Variants in FAM169A observed in about 807,000 individuals in gnomAD.
The protein encoded by FAM169A is soluble lamin-associated protein of 75 kDa.
Under a neutral mutation model 75.7 loss-of-function variants are expected in FAM169A, and 24 were observed. That is an observed-to-expected ratio of 0.32 (90% CI 0.23 to 0.45). The LOEUF (loss-of-function observed/expected upper bound fraction) is 0.45. Among genes scored for constraint, FAM169A ranks in the 20% least tolerant of loss-of-function variants. FAM169A has a pLI of 1.00. For synonymous variants in FAM169A, 271 were observed against 271.0 expected (o/e 1.00, Z 0.00); for missense variants, 673 against 784.0 (o/e 0.86, Z 1.69).
chr5:74,822,603 A>C (rs1747819627), intron 5 of FAM169A, among the ~76,000 whole-genome samples: 1 of 152,140 alleles, frequency 6.6e-6, no homozygotes, highest in Non-Finnish European at 1.5e-5. Flanking sequence ...TCATTTCCTC[A>C]TACCAATATT....
chr5:74,824,055 A>G (rs891743627), intron 5 of FAM169A, among the ~76,000 whole-genome samples: 9 of 152,194 alleles, frequency 5.9e-5, no homozygotes, highest in Admixed American at 5.9e-4. Context: ...CTGACGAGTA[A>G]ATGTGGACAA....
intron 11 of FAM169A, among the ~76,000 whole-genome samples, chr5:74,790,144 C>T (rs899626549): frequency 2.6e-5 from 4 of 152,200 alleles, no homozygotes; most frequent in African/African-American, 9.6e-5. Flanking sequence ...CCCTGGCCTT[C>T]TTTTCCCTAG....
chr5:74,807,957 A>G (rs997979096), intron 6 of FAM169A, among the ~76,000 whole-genome samples: 1 of 152,172 alleles, frequency 6.6e-6, no homozygotes, highest in African/African-American at 2.4e-5. Flanking sequence ...TCTCTACTAA[A>G]AATACAGAAA....
intron 5 of FAM169A, among the ~76,000 whole-genome samples, chr5:74,818,797 C>CTATATATA (rs1297081439): frequency 2.9e-5 from 4 of 136,320 alleles, no homozygotes; most frequent in Non-Finnish European, 6.1e-5. Context: ...CTCTCTCTCT[C>CTATATATA]TCTCTCTATA....
At chr5:74,816,549 C>T (rs1179762373) in intron 5 of FAM169A, among the ~76,000 whole-genome samples, 2 of 152,108 alleles carry the variant, frequency 1.3e-5, no homozygotes, top group African/African-American at 2.4e-5. Context: ...GAAAATCATA[C>T]TGGTTCTCTT....
At chr5:74,784,401 T>C (rs890266740) in intron 11 of FAM169A, among the ~76,000 whole-genome samples, 2 of 150,640 alleles carry the variant, frequency 1.3e-5, no homozygotes, top group Non-Finnish European at 3.0e-5. Flanking sequence ...TCCCAGCTAC[T>C]TGGGAGGCTG....
At chr5:74,819,064 C>T (rs532961829) in intron 5 of FAM169A, among the ~76,000 whole-genome samples, 2 of 151,930 alleles carry the variant, frequency 1.3e-5, no homozygotes, top group East Asian at 3.9e-4. Context: ...ACTAAAAATA[C>T]AAAAATTAGC....
chr5:74,852,581 G>A (rs1485898564), intron 1 of FAM169A, among the ~76,000 whole-genome samples: 1 of 152,056 alleles, frequency 6.6e-6, no homozygotes, highest in Admixed American at 6.6e-5. Flanking sequence ...AGTAACAGAT[G>A]TCCTTTCAAG....
chr5:74,804,628 A>AT, intron 7 of FAM169A, 23 bp from the exon 8 acceptor site: 1 of 1,315,440 alleles, frequency 7.6e-7, no homozygotes, highest in Non-Finnish European at 1.1e-6. Context: ...GAATTTTAAA[A>AT]ACTGTAACCG....
intron 1 of FAM169A, among the ~76,000 whole-genome samples, chr5:74,851,753 G>C (rs1260524423): frequency 1.3e-5 from 2 of 152,040 alleles, no homozygotes; most frequent in Non-Finnish European, 2.9e-5. Context: ...AGTGTACAAA[G>C]CTCAGGAAAG....
chr5:74,798,957 G>A (rs1004754578), intron 10 of FAM169A: 13 of 1,002,274 alleles, frequency 1.3e-5, no homozygotes, highest in Admixed American at 5.2e-5. Context: ...GGACTGCCCC[G>A]ACCCCAGCTT....
At chr5:74,790,282 T>C (rs1456208410) in intron 11 of FAM169A, among the ~76,000 whole-genome samples, 2 of 152,200 alleles carry the variant, frequency 1.3e-5, no homozygotes, top group African/African-American at 4.8e-5. Flanking sequence ...GCTACAGCCC[T>C]ATAGCCCCTT....
intron 1 of FAM169A, among the ~76,000 whole-genome samples, chr5:74,850,102 T>C (rs1749363622): frequency 6.6e-6 from 1 of 152,174 alleles, no homozygotes; most frequent in African/African-American, 2.4e-5. Flanking sequence ...ACACTTCACG[T>C]GTATCACCTG....
intron 6 of FAM169A, among the ~76,000 whole-genome samples, chr5:74,813,245 GAAC>G (rs1253864758): frequency 6.6e-6 from 1 of 152,072 alleles, no homozygotes; most frequent in Non-Finnish European, 1.5e-5. Context: ...GGCTATGATT[GAAC>G]AACTATGAAT....
rs1354028430 is a variant in FAM169A, at chr5:74,805,006, G to A, written c.799+150C>T. 4 of 644,168 alleles carry A rather than the reference G, an allele frequency of 6.2e-6. No homozygotes were observed. The East Asian group carries it at 1.1e-4, about 18-fold the overall frequency. The allele number at this position is 644,168 out of a possible 1,614,324, so 39.9% of individuals were successfully genotyped here. A position where few individuals can be genotyped will look rare whatever the true frequency, so the allele number is the denominator to read the frequency against. ...CCTTAGACAAGAGAGTCTGTTACTAGAACAATCACATTATAATACACTACC... is the reference window on the plus strand; with the variant it reads ...CCTTAGACAAGAGAGTCTGTTACTAAAACAATCACATTATAATACACTACC... On this transcript the variant is annotated intron_variant, in intron 7 of 12. Coordinates refer to ENST00000687041, the MANE Select transcript of FAM169A (RefSeq NM_001376049.1).
intron 4 of FAM169A, among the ~76,000 whole-genome samples, chr5:74,837,163 T>C (rs1038673503): frequency 6.6e-6 from 1 of 152,192 alleles, no homozygotes; most frequent in Non-Finnish European, 1.5e-5. Flanking sequence ...ATATCTATAA[T>C]ATGCCAAACC....
intron 5 of FAM169A, among the ~76,000 whole-genome samples, chr5:74,818,774 T>TCG (rs1484940317): frequency 9.1e-6 from 1 of 110,168 alleles, no homozygotes; most frequent in Non-Finnish European, 1.7e-5. Context: ...TTCACAGCTC[T>TCG]CTCTCTCTCT....
At chr5:74,864,649 C>G (rs1471905254) in intron 1 of FAM169A, among the ~76,000 whole-genome samples, 1 of 152,208 alleles carries the variant, frequency 6.6e-6, no homozygotes, top group Non-Finnish European at 1.5e-5. Context: ...AATTTATGGT[C>G]ACTCATGTGG....
At position 74,818,803 on chromosome 5, in the gene FAM169A, CTATATA is replaced by C. The variant is rs58520219; in HGVS notation, c.491-4790_491-4785del. 4.2e-3 allele frequency among the ~76,000 whole-genome samples: 510 copies of C among 121,636 alleles called. 7 individuals carry two copies. Among genetic ancestry groups the C allele is most frequent in the Admixed American group, 0.017 (211 of 12,116 alleles). 79.8% of individuals were successfully genotyped at this position (121,636 alleles called of 152,430 possible). On this transcript the variant is annotated intron_variant, in intron 5 of 12. Transcript: ENST00000687041. Reference sequence around the variant, plus strand: ...TCTCTCTCTCTCTCTCTCTCTCTCTCTATATATATATATATATATATGTCAAAGCAC... The same window carrying C: ...TCTCTCTCTCTCTCTCTCTCTCTCTCTATATATATATATATGTCAAAGCAC...
Sources: allele counts gnomAD v4.1 joint callset (sites outside exome capture counted in the v4.1 genomes callset), GRCh38; gene constraint gnomAD v4.1.1; transcripts MANE v1.5; gene names NCBI Gene and HGNC (gene_info 2026-07-23, HGNC 2026-07-21).